Variants in EHD1 observed in about 807,000 individuals in gnomAD.
The protein encoded by EHD1 is EH domain-containing protein 1.
Under a neutral mutation model 39.0 loss-of-function variants are expected in EHD1, and 19 were observed. The ratio of observed to expected loss-of-function variants is 0.49; its 90% CI spans 0.34 to 0.72. The LOEUF (loss-of-function observed/expected upper bound fraction) is 0.72. EHD1 is among the 30% of genes least tolerant of loss of function. The pLI is 0.01. For synonymous variants in EHD1, 323 were observed against 331.2 expected, an observed-to-expected ratio of 0.98 and a Z score of 0.27; for missense variants, 542 against 751.5, an observed-to-expected ratio of 0.72 and a Z score of 3.26.
intron 2 of EHD1, among the ~76,000 whole-genome samples, chr11:64,860,601 C>G (rs181871529): frequency 6.7e-6 from 1 of 150,092 alleles, no homozygotes; most frequent in Admixed American, 6.7e-5. Context: ...GGCAGGGTGG[C>G]GCGAGCACTC....
At chr11:64,873,057 A>G (rs1943846637) in intron 2 of EHD1, among the ~76,000 whole-genome samples, 1 of 152,152 alleles carries the variant, frequency 6.6e-6, no homozygotes, top group African/African-American at 2.4e-5. Flanking sequence ...CCTACCCTCA[A>G]GCTCCTCCCA....
intron 1 of EHD1, among the ~76,000 whole-genome samples, chr11:64,876,820 C>T (rs1283522477): frequency 1.3e-5 from 2 of 152,372 alleles, no homozygotes; most frequent in South Asian, 4.1e-4. Flanking sequence ...GGACCCTTAG[C>T]CCAAAGGGCT....
intron 3 of EHD1, chr11:64,855,854 T>C (rs563878355): frequency 3.9e-5 from 10 of 256,592 alleles, no homozygotes; most frequent in African/African-American, 2.1e-4. Flanking sequence ...ACACACCCTC[T>C]GTTCAACCCT....
chr11:64,865,481 C>A (rs1943758169), intron 2 of EHD1, among the ~76,000 whole-genome samples: 1 of 152,250 alleles, frequency 6.6e-6, no homozygotes, highest in Non-Finnish European at 1.5e-5. Context: ...GTTAGCTTGA[C>A]TAGCTCAGGC....
chr11:64,854,814 T>G lies in EHD1; in HGVS notation c.1124A>C (p.Lys375Thr), dbSNP rs1943630359. ...TQDFSKFQAL[K>T]PKLLDTVDDM... ...ATCCACCGTGTCCAGCAGCTTGGGC[T>G]TCAGCGCCTGGAACTTGCTGAAGTC... The change falls in exon 5 of 5, where the codon AAG becomes ACG. Residue 375 changes from lysine to threonine, a missense_variant. Lys to Thr is a moderately conservative substitution (Grantham distance 78). Coordinates refer to ENST00000320631, the MANE Select transcript of EHD1 (RefSeq NM_006795.4). 6.2e-7 allele frequency: 1 copy of G among 1,601,768 alleles called. No homozygotes were observed. The highest frequency in any genetic ancestry group is 8.5e-7 in the Non-Finnish European group (1 of 1,179,930).
chr11:64,869,772 C>G (rs777462533), intron 2 of EHD1, among the ~76,000 whole-genome samples: 2 of 152,226 alleles, frequency 1.3e-5, no homozygotes, highest in Non-Finnish European at 2.9e-5. Context: ...CTTTGGGCAG[C>G]CCCTGGGAGC....
chr11:64,859,802 T>C (rs1943692795), intron 3 of EHD1, 122 bp downstream of exon 3: 1 of 1,348,602 alleles, frequency 7.4e-7, no homozygotes, highest in African/African-American at 1.5e-5. Context: ...AACAGCGCAG[T>C]GCAGGTCTGC....
chr11:64,854,833 T>C lies in EHD1; in HGVS notation c.1105A>G (p.Ser369Gly). The C allele has an allele frequency of 6.2e-7, 1 of 1,600,016 alleles. No individual in the cohort carries two copies. The highest frequency in any genetic ancestry group is 8.5e-7 in the Non-Finnish European group (1 of 1,179,734). The change falls in exon 5 of 5, where the codon AGC becomes GGC. Residue 369 changes from serine to glycine, a missense_variant. Coordinates refer to ENST00000320631, the MANE Select transcript of EHD1 (RefSeq NM_006795.4). ...MQELLQTQDFSKFQALKPKLL... is the reference protein window; with the variant it reads ...MQELLQTQDFGKFQALKPKLL... The stretch of plus-strand genomic sequence containing the variant: ...TTGGGCTTCAGCGCCTGGAACTTGC[T>C]GAAGTCCTGGGTCTGCAGGAGTTCC...
intron 3 of EHD1, 178 bp from the exon 4 acceptor site, chr11:64,855,664 A>G (rs989076094): frequency 6.5e-5 from 55 of 845,548 alleles, no homozygotes; most frequent in Admixed American, 1.7e-4. Context: ...AGGAGCAGAC[A>G]CAATCTGGCA....
intron 2 of EHD1, among the ~76,000 whole-genome samples, chr11:64,863,747 A>T (rs1325617396): frequency 6.6e-6 from 1 of 152,200 alleles, no homozygotes; most frequent in Non-Finnish European, 1.5e-5. Flanking sequence ...CGGGCCACTA[A>T]CTAAGATGGC....
At chr11:64,877,976 G>C (rs2136506046) in intron 1 of EHD1, 85 bp downstream of exon 1, 1 of 1,366,574 alleles carries the variant, frequency 7.3e-7, no homozygotes, top group South Asian at 1.6e-5. Flanking sequence ...AAGGACGGCG[G>C]GGCGACAGCC....
intron 2 of EHD1, among the ~76,000 whole-genome samples, chr11:64,860,718 GAAAAAA>G (rs138106545): frequency 9.1e-6 from 1 of 110,298 alleles, no homozygotes; most frequent in Admixed American, 9.6e-5. Context: ...AAACTGTCGC[GAAAAAA>G]AAAAAAAAAA....
rs999248304 is a variant in EHD1, at chr11:64,854,034, G to T, written c.*299C>A. The T allele has an allele frequency of 1.2e-5, 6 of 491,476 alleles. No homozygotes were observed. The highest frequency in any genetic ancestry group is 2.2e-5 in the Non-Finnish European group (6 of 274,224). The allele number at this position is 491,476 out of a possible 1,614,324, so 30.4% of individuals were successfully genotyped here. On this transcript the variant is annotated 3_prime_UTR_variant, in exon 5 of 5. Transcript: ENST00000320631. ...CAGCTCCAGCCACAGCAAAGGCCGGGGGGCAGAGGCCGTGCACACAGGGCT... is the reference window on the plus strand; with the variant it reads ...CAGCTCCAGCCACAGCAAAGGCCGGTGGGCAGAGGCCGTGCACACAGGGCT...
intron 2 of EHD1, among the ~76,000 whole-genome samples, chr11:64,870,314 C>T (rs888659511): frequency 6.6e-6 from 1 of 152,196 alleles, no homozygotes; most frequent in Non-Finnish European, 1.5e-5. Flanking sequence ...TTCTCAGCTC[C>T]GCCGCAGTAG....
rs184410229 is a variant in EHD1 at position 64,874,503 on chromosome 11, C to T, written c.420G>A (p.Gln140=). ...TGCTGTCCAGGACGGGGTTGGGCAG[C>T]TGGGCACACATGAACCTACATGAGA... ...NAFLNRFMCA[Q]LPNPVLDSIS... Residue 140 remains glutamine (Q), a synonymous_variant, in exon 2 of 5, where the codon CAG becomes CAA. Transcript: ENST00000320631. The T allele has an allele frequency of 5.8e-5, 93 of 1,609,028 alleles. No homozygotes were observed. In the Admixed American group the frequency reaches 7.6e-4, roughly 13 times the overall value.
intron 2 of EHD1, among the ~76,000 whole-genome samples, chr11:64,873,246 C>T (rs149674939): frequency 7.2e-4 from 109 of 152,374 alleles, no homozygotes; most frequent in African/African-American, 2.5e-3. Flanking sequence ...AGGCCTCAGC[C>T]AGGGAGGCTG....
In EHD1 at chr11:64,852,075, G is replaced by A. The variant is rs2136468257; in HGVS notation, c.*2258C>T. 6.6e-6 allele frequency: 1 copy of A among 152,342 alleles called. No homozygotes were observed. The highest frequency in any genetic ancestry group is 1.9e-4 in the East Asian group (1 of 5,186). 9.4% of individuals were successfully genotyped at this position (152,342 alleles called of 1,614,324 possible). On this transcript the variant is annotated 3_prime_UTR_variant, in exon 5 of 5. Transcript: ENST00000320631. ...ACAACTGGGTCCCTGAAACCCTCAG[G>A]AACTTGTTTCTGTCCTGCCTTCTGC...
At chr11:64,871,109 G>A (rs543319450) in intron 2 of EHD1, among the ~76,000 whole-genome samples, 12 of 152,304 alleles carry the variant, frequency 7.9e-5, no homozygotes, top group East Asian at 3.9e-4. Context: ...GGGGCCAGAC[G>A]GGGTGGGAAA....
intron 2 of EHD1, among the ~76,000 whole-genome samples, chr11:64,869,545 C>T (rs1304993691): frequency 1.3e-5 from 2 of 152,234 alleles, no homozygotes; most frequent in African/African-American, 4.8e-5. Flanking sequence ...GTGCACCAGG[C>T]ACTAGGGCAA....
Sources: gnomAD v4.1 joint callset for allele counts (sites outside exome capture counted in the v4.1 genomes callset) on GRCh38, gnomAD v4.1.1 for gene constraint, MANE v1.5 for transcripts, NCBI Gene and HGNC (gene_info 2026-07-23, HGNC 2026-07-21) for gene names.